Variants in OTUD7A observed in about 807,000 individuals in gnomAD.
OTUD7A encodes OTU deubiquitinase 7A, also known as OTU domain-containing protein 7A.
Under a neutral mutation model 65.7 loss-of-function variants are expected in OTUD7A, and 12 were observed. The ratio of observed to expected loss-of-function variants is 0.18; its 90% CI spans 0.12 to 0.30. The LOEUF (loss-of-function observed/expected upper bound fraction) is 0.30, where lower values mean the gene tolerates loss of function less well. OTUD7A is among the 10% of genes least tolerant of loss of function. The pLI is 1.00. For synonymous variants in OTUD7A, 641 were observed against 586.3 expected (o/e 1.09, Z -1.35); for missense variants, 1,148 against 1,304.8 (o/e 0.88, Z 1.85).
rs1895128420 is a variant in OTUD7A, at chr15:31,767,788, T to C, written c.-100+102719A>G. ...TTTCAGCAGTTCTACGAGATAAGTT[T>C]TGTAATTTAAAAATACTATCTTTAT... On this transcript the variant is annotated intron_variant, in intron 1 of 12. Coordinates refer to ENST00000307050, the MANE Select transcript of OTUD7A (RefSeq NM_001382637.1). 6.8e-6 allele frequency: 5 copies of C among 734,548 alleles called. No homozygotes were observed. The East Asian group carries it at 7.7e-5, about 11-fold the overall frequency. The allele number at this position is 734,548 out of a possible 1,614,324, so 45.5% of individuals were successfully genotyped here. A position where few individuals can be genotyped will look rare whatever the true frequency, so the allele number is the denominator to read the frequency against.
At chr15:31,787,674 T>TA (rs1346033895) in intron 1 of OTUD7A, 1 of 152,228 alleles carries the variant, frequency 6.6e-6, no homozygotes, top group Non-Finnish European at 1.5e-5. Flanking sequence ...AAGTACATGA[T>TA]AGAATTCATA....
At chr15:31,646,535 A>C (rs1891674138) in intron 3 of OTUD7A, among the ~76,000 whole-genome samples, 1 of 148,808 alleles carries the variant, frequency 6.7e-6, no homozygotes, top group African/African-American at 2.5e-5. Flanking sequence ...ATCTTGGCTC[A>C]CTGCAACCTC....
chr15:31,814,333 G>A (rs575782688), intron 1 of OTUD7A, among the ~76,000 whole-genome samples: 6 of 152,242 alleles, frequency 3.9e-5, no homozygotes, highest in East Asian at 1.9e-4. Context: ...CTGCCCTGCC[G>A]CAAGAGGCCT....
At chr15:31,826,863 C>T (rs555848271) in intron 1 of OTUD7A, among the ~76,000 whole-genome samples, 39 of 152,338 alleles carry the variant, frequency 2.6e-4, no homozygotes, top group South Asian at 2.5e-3. Flanking sequence ...CTGGTCTCTA[C>T]GCTAAAACAT....
intron 1 of OTUD7A, among the ~76,000 whole-genome samples, chr15:31,861,550 G>A (rs530694918): frequency 5.1e-4 from 78 of 152,160 alleles, no homozygotes; most frequent in Non-Finnish European, 1.0e-3. Flanking sequence ...GGACCCTGGA[G>A]GGATGTCCCA....
At chr15:31,557,723 CT>C in intron 5 of OTUD7A, 1 of 152,394 alleles carries the variant, frequency 6.6e-6, no homozygotes, top group Non-Finnish European at 1.5e-5. Flanking sequence ...TTTGTGCTGC[CT>C]TTTCTTTCCT....
intron 1 of OTUD7A, among the ~76,000 whole-genome samples, chr15:31,673,230 G>A (rs1892524070): frequency 6.6e-6 from 1 of 152,212 alleles, no homozygotes; most frequent in Non-Finnish European, 1.5e-5. Context: ...CCTAAAGTTA[G>A]AAAATCCTAA....
chr15:31,722,011 G>A (rs970029468), intron 1 of OTUD7A, among the ~76,000 whole-genome samples: 2 of 152,240 alleles, frequency 1.3e-5, no homozygotes, highest in Non-Finnish European at 2.9e-5. Flanking sequence ...AGAAGAGGCG[G>A]GGTCTGCTTG....
chr15:31,511,953 AT>A lies in OTUD7A; in HGVS notation c.894-8136del, dbSNP rs916193473. On this transcript the variant is annotated intron_variant, in intron 8 of 12. Coordinates refer to ENST00000307050, the MANE Select transcript of OTUD7A (RefSeq NM_001382637.1). ...GAGGTTTAACCCCCACTCAGTGGGG[AT>A]TTTTTTTACCTTTTTTTAACCTTTA... Among the ~76,000 whole-genome samples, 6 of 151,224 alleles carry A rather than the reference AT, an allele frequency of 4.0e-5. No individual in the cohort carries two copies. In the South Asian group the frequency reaches 1.0e-3, roughly 26 times the overall value.
chr15:31,496,908 T>A (rs1489190836), intron 10 of OTUD7A, among the ~76,000 whole-genome samples: 1 of 151,198 alleles, frequency 6.6e-6, no homozygotes, highest in Non-Finnish European at 1.5e-5. Flanking sequence ...TGCAAAAACT[T>A]TTTTTTTTTC....
intron 1 of OTUD7A, among the ~76,000 whole-genome samples, chr15:31,815,083 C>T (rs1309692438): frequency 6.6e-6 from 1 of 152,138 alleles, no homozygotes; most frequent in Admixed American, 6.5e-5. Context: ...TTCCCTGTCT[C>T]TGAACAGAGG....
At chr15:31,749,242 T>G (rs201399455) in intron 1 of OTUD7A, among the ~76,000 whole-genome samples, 1 of 152,140 alleles carries the variant, frequency 6.6e-6, no homozygotes, top group Non-Finnish European at 1.5e-5. Flanking sequence ...CATATGTAAC[T>G]AACCTGCACG....
At chr15:31,582,810 T>C (rs11635812) in intron 3 of OTUD7A, among the ~76,000 whole-genome samples, 3,627 of 152,066 alleles carry the variant, frequency 0.024, 74 homozygotes, top group Middle Eastern at 0.054. Context: ...TGAGGGATGA[T>C]GAGGATGAAG....
intron 3 of OTUD7A, among the ~76,000 whole-genome samples, chr15:31,579,815 TACAC>T (rs1889318598): frequency 6.6e-6 from 1 of 152,256 alleles, no homozygotes; most frequent in Admixed American, 6.5e-5. Flanking sequence ...TGTGCACTCA[TACAC>T]ACTATATATA....
chr15:31,850,087 T>C (rs1030335370), intron 1 of OTUD7A, among the ~76,000 whole-genome samples: 1 of 152,198 alleles, frequency 6.6e-6, no homozygotes, highest in Non-Finnish European at 1.5e-5. Flanking sequence ...TTATAAATCA[T>C]GCTACATAAA....
intron 6 of OTUD7A, among the ~76,000 whole-genome samples, chr15:31,529,595 C>T (rs1284095246): frequency 6.6e-6 from 1 of 152,204 alleles, no homozygotes; most frequent in Non-Finnish European, 1.5e-5. Context: ...AAGTGGCTGC[C>T]TTGCCTTTCC....
At chr15:31,635,917 C>T (rs1364119713) in intron 3 of OTUD7A, among the ~76,000 whole-genome samples, 1 of 152,334 alleles carries the variant, frequency 6.6e-6, no homozygotes, top group Middle Eastern at 3.4e-3. Context: ...AGCTGGTCTC[C>T]GGCAGCATGA....
At chr15:31,501,949 G>T in intron 9 of OTUD7A, 110 bp from the exon 10 acceptor site, 1 of 1,190,916 alleles carries the variant, frequency 8.4e-7, no homozygotes, top group Non-Finnish European at 1.2e-6. Flanking sequence ...GTGGAGAAGC[G>T]GAGGGACAGG....
intron 1 of OTUD7A, among the ~76,000 whole-genome samples, chr15:31,777,388 T>C (rs148215541): frequency 8.1e-4 from 124 of 152,366 alleles, no homozygotes; most frequent in African/African-American, 2.9e-3. Context: ...GGTTCAAGGT[T>C]ATCCAAATGG....
Sources: allele counts gnomAD v4.1 joint callset (sites outside exome capture counted in the v4.1 genomes callset), GRCh38; gene constraint gnomAD v4.1.1; transcripts MANE v1.5; gene names NCBI Gene and HGNC (gene_info 2026-07-23, HGNC 2026-07-21).